The following HOXC6 variants were observed in gnomAD, a reference collection of about 807,000 sequenced individuals.
HOXC6 encodes homeobox protein Hox-C6.
HOXC6 carries 10 observed loss-of-function variants against 24.0 expected under a neutral mutation model. The observed-to-expected ratio is 0.42, with a 90% CI of 0.26 to 0.71. HOXC6 has a LOEUF of 0.71. Ranked by LOEUF, HOXC6 falls within the 30% of genes least tolerant of loss-of-function variation. The pLI is 0.28. For synonymous variants in HOXC6, 123 were observed against 128.1 expected, an observed-to-expected ratio of 0.96 and a Z score of 0.27; for missense variants, 258 against 303.4, an observed-to-expected ratio of 0.85 and a Z score of 1.11.
rs1940913981 is a variant in HOXC6, at chr12:54,029,860, C to A, written c.606C>A (p.Leu202=). The A allele has an allele frequency of 1.2e-6, 2 of 1,613,828 alleles. No individual in the cohort carries two copies. Among genetic ancestry groups the A allele is most frequent in the Non-Finnish European group, 1.7e-6 (2 of 1,179,824 alleles). ...TGAAGTGGAAAAAAGAATCTAATCT[C>A]ACATCCACTCTCTCGGGGGGCGGCG... is the stretch of plus-strand genomic sequence containing the variant. ...RRMKWKKESN[L]TSTLSGGGGG... The change falls in exon 2 of 2, where the codon CTC becomes CTA. Residue 202 remains leucine, a synonymous_variant. Coordinates refer to ENST00000243108, the MANE Select transcript of HOXC6 (RefSeq NM_004503.4).
upstream of HOXC6, among the ~76,000 whole-genome samples, chr12:54,026,969 G>GC (rs551975494): frequency 2.2e-5 from 3 of 137,760 alleles, no homozygotes; most frequent in African/African-American, 5.2e-5. Context: ...AATGGTGGGG[G>GC]GGGGGGGATA....
chr12:54,027,626 C>G (rs1940780569), upstream of HOXC6, among the ~76,000 whole-genome samples: 1 of 143,438 alleles, frequency 7.0e-6, no homozygotes, highest in Non-Finnish European at 1.5e-5. Flanking sequence ...TTCTTTTTCT[C>G]CTTTTTCTAT....
chr12:54,030,680 G>GA lies in HOXC6; in HGVS notation c.*725dup, dbSNP rs886939889. The GA allele has an allele frequency of 6.6e-6, 1 of 152,584 alleles. No individual in the cohort carries two copies. Among genetic ancestry groups the GA allele is most frequent in the Non-Finnish European group, 1.5e-5 (1 of 68,000 alleles). The allele number at this position is 152,584 out of a possible 1,614,324, so 9.5% of individuals were successfully genotyped here. A position where few individuals can be genotyped will look rare whatever the true frequency, so the allele number is the denominator to read the frequency against. ...AAAGAGGGAAAATTACAAAAAGAGA[G>GA]AAAAAAAGTGAATGACGTTTGTTTA... On this transcript the variant is annotated 3_prime_UTR_variant, in exon 2 of 2. Coordinates refer to ENST00000243108, the MANE Select transcript of HOXC6 (RefSeq NM_004503.4).
At chr12:54,024,268 G>A (rs563196923), upstream of HOXC6, among the ~76,000 whole-genome samples, 2 of 152,264 alleles carry the variant, frequency 1.3e-5, no homozygotes, top group African/African-American at 4.8e-5. Flanking sequence ...GGGCAGCTGC[G>A]GTCGCGTCCA....
chr12:54,017,577 G>A (rs1231358786), intron 1 of HOXC6, among the ~76,000 whole-genome samples: 2 of 151,918 alleles, frequency 1.3e-5, no homozygotes, highest in Non-Finnish European at 2.9e-5. Flanking sequence ...AGAGAAACGG[G>A]GTTAAACTGG....
At position 54,030,402 on chromosome 12, in the gene HOXC6, C is replaced by G. The variant is rs997999215; in HGVS notation, c.*440C>G. On this transcript the variant is annotated 3_prime_UTR_variant, in exon 2 of 2. Coordinates refer to ENST00000243108, the MANE Select transcript of HOXC6 (RefSeq NM_004503.4). ...GCCCGGCCTGGCAGCCGGGGAGGGCCGGAGGCCCAAGGAGGGCGCGCCTTG... is the reference window on the plus strand; with the variant it reads ...GCCCGGCCTGGCAGCCGGGGAGGGCGGGAGGCCCAAGGAGGGCGCGCCTTG... 6.5e-6 allele frequency: 1 copy of G among 153,450 alleles called. No individual in the cohort carries two copies. Among genetic ancestry groups the G allele is most frequent in the Non-Finnish European group, 1.5e-5 (1 of 68,854 alleles). The allele number at this position is 153,450 out of a possible 1,614,324, so 9.5% of individuals were successfully genotyped here. A position where few individuals can be genotyped will look rare whatever the true frequency, so the allele number is the denominator to read the frequency against.
chr12:54,027,450 A>G (rs1205940122), upstream of HOXC6, among the ~76,000 whole-genome samples: 1 of 152,176 alleles, frequency 6.6e-6, no homozygotes, highest in Non-Finnish European at 1.5e-5. Context: ...TTCTGGCTGG[A>G]TCCTATGTGA....
At chr12:54,017,792 A>T (rs1049405842) in intron 1 of HOXC6, among the ~76,000 whole-genome samples, 1 of 152,142 alleles carries the variant, frequency 6.6e-6, no homozygotes, top group Admixed American at 6.5e-5. Context: ...GCGGAACTGG[A>T]AGCTCAAGCT....
chr12:54,030,268 C>G lies in HOXC6; in HGVS notation c.*306C>G, dbSNP rs1323265742. 9.4e-6 allele frequency: 2 copies of G among 213,838 alleles called. No homozygotes were observed. Among genetic ancestry groups the G allele is most frequent in the East Asian group, 1.9e-4 (2 of 10,768 alleles). The allele number at this position is 213,838 out of a possible 1,614,324, so 13.2% of individuals were successfully genotyped here. On this transcript the variant is annotated 3_prime_UTR_variant, in exon 2 of 2. Coordinates refer to ENST00000243108, the MANE Select transcript of HOXC6 (RefSeq NM_004503.4). ...CCTGAACTCAGACTCTACAGATTGC[C>G]CTCCAAGTGAGGACTTGGCTCCCCC...
chr12:54,024,379 T>G (rs1555184705), upstream of HOXC6, among the ~76,000 whole-genome samples: 1 of 152,086 alleles, frequency 6.6e-6, no homozygotes, highest in Non-Finnish European at 1.5e-5. Context: ...GAGCTGTAGT[T>G]GCAGCGCGGC....
upstream of HOXC6, among the ~76,000 whole-genome samples, chr12:54,024,317 C>G (rs888255812): frequency 6.6e-6 from 1 of 152,142 alleles, no homozygotes; most frequent in Non-Finnish European, 1.5e-5. Flanking sequence ...AGGCTGAGCA[C>G]TGAGTCCTGA....
At chr12:54,029,012 A>G (rs1310162677) in intron 1 of HOXC6, 91 bp downstream of exon 1, 31 of 1,266,474 alleles carry the variant, frequency 2.4e-5, no homozygotes, top group Non-Finnish European at 3.4e-5. Context: ...AGAGTTTTTT[A>G]TGGCCCCATA....
chr12:54,019,107 C>T (rs1383107895), intron 1 of HOXC6, among the ~76,000 whole-genome samples: 1 of 137,528 alleles, frequency 7.3e-6, no homozygotes, highest in Admixed American at 7.6e-5. Context: ...ATTCCCCTTT[C>T]GCAGCCATCA....
intron 1 of HOXC6, chr12:54,020,852 G>A (rs1940402298): frequency 6.6e-6 from 1 of 152,244 alleles, no homozygotes; most frequent in South Asian, 2.1e-4. Context: ...TGCCCAAGCA[G>A]CTGGACTGGG....
chr12:54,023,476 G>A (rs908255928), upstream of HOXC6, among the ~76,000 whole-genome samples: 7 of 152,262 alleles, frequency 4.6e-5, no homozygotes, highest in South Asian at 2.1e-4. Context: ...TTTCTTCTCC[G>A]TTTAATTGTA....
upstream of HOXC6, among the ~76,000 whole-genome samples, chr12:54,025,354 A>G (rs551033651): frequency 3.3e-5 from 5 of 152,350 alleles, no homozygotes; most frequent in South Asian, 2.1e-4. Flanking sequence ...TGCCAAAAAA[A>G]TAAAATTAAC....
chr12:54,028,997 C>CTTCTTCCCTAGAAGAAGTTCCCTA, intron 1 of HOXC6, 76 bp downstream of exon 1: 1 of 1,423,740 alleles, frequency 7.0e-7, no homozygotes, highest in East Asian at 2.3e-5. Context: ...GAAGAACGGG[C>CTTCTTCCCTAGAAGAAGTTCCCTA]GGAGAGAGTT....
At chr12:54,022,428 A>G (rs1333780233) in intron 1 of HOXC6, 2 of 152,046 alleles carry the variant, frequency 1.3e-5, no homozygotes, top group Non-Finnish European at 2.9e-5. Context: ...TTGGCCTTTA[A>G]TTTTGCTGCT....
intron 1 of HOXC6, chr12:54,022,488 C>G (rs1161470081): frequency 6.6e-6 from 1 of 152,106 alleles, no homozygotes; most frequent in Non-Finnish European, 1.5e-5. Context: ...ATTCTCATTT[C>G]TGAAATTAAT....
Sources: allele counts gnomAD v4.1 joint callset (sites outside exome capture counted in the v4.1 genomes callset), GRCh38; gene constraint gnomAD v4.1.1; transcripts MANE v1.5; gene names NCBI Gene and HGNC (gene_info 2026-07-23, HGNC 2026-07-21).